Variants in SORBS2 observed in about 807,000 individuals in gnomAD.
SORBS2 encodes sorbin and SH3 domain containing 2, also known as sorbin and SH3 domain-containing protein 2.
Under a neutral mutation model 97.7 loss-of-function variants are expected in SORBS2, and 46 were observed. The observed-to-expected ratio is 0.47, with a 90% CI of 0.37 to 0.60. The LOEUF (loss-of-function observed/expected upper bound fraction) is 0.60, where lower values mean the gene tolerates loss of function less well. SORBS2 is among the 20% of genes least tolerant of loss of function. The pLI is 0.00. For missense variants in SORBS2, 1,316 were observed against 1,282.3 expected, an observed-to-expected ratio of 1.03 and a Z score of -0.40; for synonymous variants, 476 against 473.4, an observed-to-expected ratio of 1.01 and a Z score of -0.07.
chr4:185,871,895 G>A (rs1561254289), intron 1 of SORBS2, among the ~76,000 whole-genome samples: 2 of 152,202 alleles, frequency 1.3e-5, no homozygotes, highest in African/African-American at 4.8e-5. Flanking sequence ...TGTATGAGAT[G>A]TGACTTCCTT....
Position 185,623,001 on chromosome 4 carries a change from C to A in SORBS2, c.2128G>T (p.Gly710Trp), listed in dbSNP as rs953458183. 6.2e-7 allele frequency: 1 copy of A among 1,614,048 alleles called. No homozygotes were observed. The highest frequency in any genetic ancestry group is 1.1e-5 in the South Asian group (1 of 91,050). ...AAAGAGGCACTGCGGGGCATTCTCC[C>A]GCAGTCATTCTGGTAGGGTGGACAA... Residue 710 changes from glycine (G) to tryptophan (W), a missense_variant, in exon 7 of 15, where the codon GGG becomes TGG. By Grantham distance (184) the Gly-to-Trp change is radical. Coordinates refer to ENST00000418609, the Ensembl canonical transcript of SORBS2. This position sits in a 1 kb window ranked among gnomAD's most constrained non-coding sequence, Gnocchi z 6.4.
chr4:185,741,749 A>G (rs1420503362), intron 2 of SORBS2, among the ~76,000 whole-genome samples: 3 of 152,116 alleles, frequency 2.0e-5, no homozygotes, highest in Admixed American at 6.5e-5. Flanking sequence ...ATTAAAATAC[A>G]TTTAAAAAAA....
At chr4:185,828,443 T>C (rs1212960577) in intron 1 of SORBS2, among the ~76,000 whole-genome samples, 1 of 152,004 alleles carries the variant, frequency 6.6e-6, no homozygotes, top group African/African-American at 2.4e-5. Flanking sequence ...AGATGAGGGA[T>C]TGTAGCATCC....
At chr4:185,767,804 C>T (rs1441896346) in intron 2 of SORBS2, among the ~76,000 whole-genome samples, 1 of 152,160 alleles carries the variant, frequency 6.6e-6, no homozygotes, top group Non-Finnish European at 1.5e-5. Context: ...TCTCTAATCA[C>T]CTTGAACATT....
At chr4:185,698,593 T>C (rs1261341868) in intron 2 of SORBS2, among the ~76,000 whole-genome samples, 1 of 152,174 alleles carries the variant, frequency 6.6e-6, no homozygotes, top group Non-Finnish European at 1.5e-5. Context: ...CTTAATTAAG[T>C]ACTGAATCAT....
At chr4:185,835,283 C>T (rs1354317811) in intron 1 of SORBS2, among the ~76,000 whole-genome samples, 1 of 152,150 alleles carries the variant, frequency 6.6e-6, no homozygotes, top group African/African-American at 2.4e-5. Flanking sequence ...CTAATACAGT[C>T]TCCAAAAACA....
intron 1 of SORBS2, chr4:185,933,128 T>A (rs897633534): frequency 5.9e-5 from 9 of 152,352 alleles, no homozygotes; most frequent in Admixed American, 2.6e-4. Context: ...TGACTCCTAA[T>A]GACCAGTTGT....
At chr4:185,952,044 T>TAGAG (rs755636554) in intron 1 of SORBS2, among the ~76,000 whole-genome samples, 34 of 148,346 alleles carry the variant, frequency 2.3e-4, no homozygotes, top group Non-Finnish European at 3.0e-4. Flanking sequence ...TTTTTTTTTT[T>TAGAG]TGATAGAGTC....
At chr4:185,698,598 A>C (rs1205382512) in intron 2 of SORBS2, among the ~76,000 whole-genome samples, 3 of 152,244 alleles carry the variant, frequency 2.0e-5, no homozygotes. Context: ...TTAAGTACTG[A>C]ATCATATGAG....
chr4:185,745,334 G>A (rs997673113), intron 2 of SORBS2, among the ~76,000 whole-genome samples: 7 of 152,130 alleles, frequency 4.6e-5, no homozygotes, highest in African/African-American at 1.4e-4. Context: ...AGATTCTCCC[G>A]CAAGTAAGGA....
At chr4:185,926,105 T>G (rs2099263541) in intron 1 of SORBS2, among the ~76,000 whole-genome samples, 1 of 152,254 alleles carries the variant, frequency 6.6e-6, no homozygotes, top group Non-Finnish European at 1.5e-5. Flanking sequence ...GAGCAAGGAC[T>G]GCGCTATAAC....
intron 1 of SORBS2, among the ~76,000 whole-genome samples, chr4:185,869,995 G>T (rs1451540958): frequency 6.6e-6 from 1 of 152,136 alleles, no homozygotes; most frequent in Non-Finnish European, 1.5e-5. Context: ...ATAAAAAGTT[G>T]AAAAATCTTT....
chr4:185,674,401 C>T (rs1227557380), intron 4 of SORBS2, among the ~76,000 whole-genome samples: 1 of 152,208 alleles, frequency 6.6e-6, no homozygotes, highest in Admixed American at 6.5e-5. Context: ...TCACCACCTC[C>T]TCTGCTGCCC....
chr4:185,612,638 G>C (rs574683776), intron 11 of SORBS2, among the ~76,000 whole-genome samples: 2 of 151,784 alleles, frequency 1.3e-5, no homozygotes, highest in African/African-American at 2.4e-5. Flanking sequence ...ACAGGCGCCC[G>C]CCACCAGGCC....
chr4:185,868,150 T>TCTTTC lies in SORBS2; in HGVS notation c.-338+88045_-338+88046insGAAAG, dbSNP rs1443151990. 8.1e-4 allele frequency among the ~76,000 whole-genome samples: 61 copies of TCTTTC among 75,514 alleles called. 8 individuals are homozygous for TCTTTC. Among genetic ancestry groups the TCTTTC allele is most frequent in the African/African-American group, 1.1e-3 (18 of 16,526 alleles). 49.5% of individuals were successfully genotyped at this position (75,514 alleles called of 152,430 possible). A position where few individuals can be genotyped will look rare whatever the true frequency, so the allele number is the denominator to read the frequency against. ...ACTTTCCTTTCTCTTTTCTTTTCTT[T>TCTTTC]TTTTCTTTCTTTTTTTTTTTTTTTG... is the stretch of plus-strand genomic sequence containing the variant. On this transcript the variant is annotated intron_variant, in intron 1 of 20. Transcript: ENST00000284776.
chr4:185,814,323 G>A (rs1304653692), intron 1 of SORBS2, among the ~76,000 whole-genome samples: 4 of 151,320 alleles, frequency 2.6e-5, no homozygotes, highest in Non-Finnish European at 4.4e-5. Context: ...CTTGAGCCCA[G>A]GATTTGAGAC....
chr4:185,587,730 A>G (rs2095819172), intron 14 of SORBS2, 42 bp from the exon 27 acceptor site: 4 of 1,461,234 alleles, frequency 2.7e-6, no homozygotes, highest in Non-Finnish European at 2.9e-6. Flanking sequence ...TGACAACGAT[A>G]TCAGTTCATA....
chr4:185,864,910 T>C (rs1400958533), intron 1 of SORBS2, among the ~76,000 whole-genome samples: 6 of 70,628 alleles, frequency 8.5e-5, no homozygotes, highest in African/African-American at 1.3e-4. Context: ...AGACTCTGTC[T>C]CAAAAAAAAA....
At position 185,756,425 on chromosome 4, in the gene SORBS2, T is replaced by C. The variant is rs542200218; in HGVS notation, c.-198+18802A>G. Among the ~76,000 whole-genome samples, 15 of 152,342 alleles carry C rather than the reference T, an allele frequency of 9.8e-5. No individual in the cohort carries two copies. The South Asian group carries it at 3.1e-3, about 32-fold the overall frequency. On this transcript the variant is annotated intron_variant, in intron 2 of 20. Coordinates refer to the SORBS2 transcript ENST00000284776. ...AAATTCACTCTTCTGTTCTAGGATC[T>C]TGGTTCTAGGTAACTCATTCTCCAG...
Sources: gnomAD v4.1 joint callset for allele counts (sites outside exome capture counted in the v4.1 genomes callset) on GRCh38, gnomAD v4.1.1 for gene constraint, Gnocchi (gnomAD v3.1) non-coding constraint, MANE v1.5 for transcripts, NCBI Gene and HGNC (gene_info 2026-07-23, HGNC 2026-07-21) for gene names.